The following RHPN1 variants were observed in gnomAD, a reference collection of about 807,000 sequenced individuals.
The protein encoded by RHPN1 is rhophilin Rho GTPase binding protein 1.
RHPN1 carries 77 observed loss-of-function variants against 74.7 expected under a neutral mutation model. That is an observed-to-expected ratio of 1.03 (90% confidence interval 0.86 to 1.25). The LOEUF (loss-of-function observed/expected upper bound fraction) is 1.25, where lower values mean the gene tolerates loss of function less well. Ranked by LOEUF, RHPN1 falls within the 50% of genes most tolerant of loss-of-function variation. The pLI, the probability that RHPN1 is intolerant of heterozygous loss-of-function variation, is 0.00. For missense variants in RHPN1, 987 were observed against 932.2 expected, an observed-to-expected ratio of 1.06 and a Z score of -0.77; for synonymous variants, 444 against 414.5, an observed-to-expected ratio of 1.07 and a Z score of -0.87.
At position 143,383,622 on chromosome 8, in the gene RHPN1, G is replaced by A. The variant is rs1284503468; in HGVS notation, c.*971G>A. ...GACTTGGGCACCAAGAGGAGAGGGTGGGAAGGGCTGCAGAGTCAGGGCTGC... is the reference window on the plus strand; with the variant it reads ...GACTTGGGCACCAAGAGGAGAGGGTAGGAAGGGCTGCAGAGTCAGGGCTGC... On this transcript the variant is annotated 3_prime_UTR_variant, in exon 15 of 15. Transcript: ENST00000289013. 1.3e-5 allele frequency: 2 copies of A among 152,522 alleles called. No individual in the cohort carries two copies. The highest frequency in any genetic ancestry group is 4.8e-5 in the African/African-American group (2 of 41,472). 9.4% of individuals were successfully genotyped at this position (152,522 alleles called of 1,614,324 possible).
chr8:143,374,277 C>T (rs1049335435), intron 1 of RHPN1: 9 of 985,332 alleles, frequency 9.1e-6, no homozygotes, highest in East Asian at 1.1e-4. Flanking sequence ...CCCATGAATC[C>T]GCAGCTTCAT....
chr8:143,365,136 C>T (rs1483582736), upstream of RHPN1, among the ~76,000 whole-genome samples: 1 of 152,158 alleles, frequency 6.6e-6, no homozygotes, highest in Non-Finnish European at 1.5e-5. Context: ...CAAAGCCCAC[C>T]TCTTCCACTC....
chr8:143,374,449 G>A (rs1411693041), intron 1 of RHPN1, among the ~76,000 whole-genome samples: 3 of 152,264 alleles, frequency 2.0e-5, no homozygotes, highest in East Asian at 3.8e-4. Flanking sequence ...GGTTGGCCAC[G>A]CCTGACTCAG....
chr8:143,377,903 C>G (rs546682464), intron 4 of RHPN1, among the ~76,000 whole-genome samples: 28 of 152,342 alleles, frequency 1.8e-4, no homozygotes, highest in African/African-American at 6.0e-4. Flanking sequence ...TGACTGTGTT[C>G]CGTGTCCGAG....
chr8:143,376,905 CGTGT>C (rs368351900), intron 3 of RHPN1, among the ~76,000 whole-genome samples: 5 of 110,828 alleles, frequency 4.5e-5, no homozygotes, highest in South Asian at 6.1e-4. Context: ...TCTGTGTGCG[CGTGT>C]GTCTGTGTGT....
chr8:143,380,494 T>C (rs1410120134), intron 10 of RHPN1, 95 bp from the exon 11 acceptor site: 19 of 1,191,208 alleles, frequency 1.6e-5, no homozygotes, highest in Non-Finnish European at 1.9e-5. Flanking sequence ...GTGGCTGTGA[T>C]GAGCCCCACA....
Position 143,375,659 on chromosome 8 carries a change from A to G in RHPN1, c.167A>G (p.Asn56Ser). ...CTGCAGATGCGGACGGGCGCTGAGA[A>G]CCTCTACAGGTCAGTGCTTGAGACT... Reference protein sequence around the residue: ...KELQMRTGAENLYRATSNNRV... With the variant: ...KELQMRTGAESLYRATSNNRV... Residue 56 changes from asparagine (N) to serine (S), a missense_variant, in exon 2 of 15, where the codon AAC (asparagine) becomes AGC (serine). Coordinates refer to ENST00000289013, the MANE Select transcript of RHPN1 (RefSeq NM_052924.3). 1 of 1,606,964 alleles carries G rather than the reference A, an allele frequency of 6.2e-7. No homozygotes were observed. Among genetic ancestry groups the G allele is most frequent in the Non-Finnish European group, 8.5e-7 (1 of 1,177,324 alleles).
At chr8:143,365,869 T>C (rs908312969), upstream of RHPN1, among the ~76,000 whole-genome samples, 3 of 151,710 alleles carry the variant, frequency 2.0e-5, no homozygotes, top group African/African-American at 7.3e-5. Flanking sequence ...TGGTGGCGCA[T>C]GCAAGCGGTC....
chr8:143,369,508 A>G (rs1225121074), intron 1 of RHPN1, among the ~76,000 whole-genome samples: 1 of 152,172 alleles, frequency 6.6e-6, no homozygotes, highest in Non-Finnish European at 1.5e-5. Context: ...GGAAACCGAG[A>G]GAGGTCTTCC....
rs1183027004 is a variant in RHPN1 at position 143,379,010 on chromosome 8, G to A, written c.683G>A (p.Gly228Glu). The change falls in exon 7 of 15, where the codon GGG (glycine) becomes GAG (glutamate). Residue 228 changes from glycine (G) to glutamate (E), a missense_variant. By Grantham distance (98) the Gly-to-Glu change is moderately conservative (BLOSUM62 -2). Coordinates refer to ENST00000289013, the MANE Select transcript of RHPN1 (RefSeq NM_052924.3). ...FNIGALHTQI[G>E]ARQDRSCTEG... The stretch of plus-strand genomic sequence containing the variant: ...ATCGGTGCCCTCCACACGCAGATTG[G>A]GGCGCGCCAGGACCGCTCCTGCACC... The A allele has an allele frequency of 6.5e-7, 1 of 1,550,102 alleles. No homozygotes were observed. The highest frequency in any genetic ancestry group is 8.7e-7 in the Non-Finnish European group (1 of 1,147,162).
chr8:143,378,027 C>T (rs930603660), intron 4 of RHPN1, among the ~76,000 whole-genome samples: 2 of 152,206 alleles, frequency 1.3e-5, no homozygotes, highest in Non-Finnish European at 2.9e-5. Flanking sequence ...GGGGAAACCC[C>T]AGGGCCACAG....
At chr8:143,366,117 G>A (rs1290637319), upstream of RHPN1, among the ~76,000 whole-genome samples, 1 of 146,584 alleles carries the variant, frequency 6.8e-6, no homozygotes, top group Admixed American at 7.1e-5. Context: ...TGGGCAACAG[G>A]GCGAAACCCT....
chr8:143,375,578 A>G lies in RHPN1; in HGVS notation c.86A>G (p.Gln29Arg). The G allele has an allele frequency of 6.2e-7, 1 of 1,603,138 alleles. No individual in the cohort carries two copies. The highest frequency in any genetic ancestry group is 8.5e-7 in the Non-Finnish European group (1 of 1,176,358). Reference sequence around the variant, plus strand: ...GGCTGTGACTCCCTGACGCAGATCCAGTGCGGCCAGCTGCAGAGCCGCAGG... The same window carrying G: ...GGCTGTGACTCCCTGACGCAGATCCGGTGCGGCCAGCTGCAGAGCCGCAGG... ...LQGCDSLTQIQCGQLQSRRAQ... is the reference protein window; with the variant it reads ...LQGCDSLTQIRCGQLQSRRAQ... The change falls in exon 2 of 15, where the codon CAG (glutamine) becomes CGG (arginine). Residue 29 changes from glutamine to arginine, a missense_variant. Transcript: ENST00000289013.
At chr8:143,372,063 C>T (rs1817859908) in intron 1 of RHPN1, among the ~76,000 whole-genome samples, 1 of 152,210 alleles carries the variant, frequency 6.6e-6, no homozygotes, top group Non-Finnish European at 1.5e-5. Context: ...ACCAGGCCCA[C>T]AGCAGGTGCC....
At position 143,378,662 on chromosome 8, in the gene RHPN1, A is replaced by C. The variant is rs560494276; in HGVS notation, c.460-34A>C. The C allele has an allele frequency of 3.2e-6, 5 of 1,585,068 alleles. No homozygotes were observed. The South Asian group carries it at 5.7e-5, about 18-fold the overall frequency. Reference sequence around the variant, plus strand: ...GCAGTGTGTGTGAGTGGGGTGGGCCAGGGCGGTGGGGCCCAGTGGCTCCTG... The same window carrying C: ...GCAGTGTGTGTGAGTGGGGTGGGCCCGGGCGGTGGGGCCCAGTGGCTCCTG... On this transcript the variant is annotated intron_variant, in intron 5 of 14. Transcript: ENST00000289013.
chr8:143,370,056 C>A (rs554377349), intron 1 of RHPN1, among the ~76,000 whole-genome samples: 44 of 152,290 alleles, frequency 2.9e-4, no homozygotes, highest in African/African-American at 1.0e-3. Context: ...CCTGTGCCTG[C>A]CCCCTATGAA....
rs1457619856 is a variant in RHPN1 at position 143,379,914 on chromosome 8, T to G, written c.1031T>G (p.Val344Gly). ...GTGCCTGTCTCCTGGACTGCCCTGG[T>G]GCATGTCAAGGCCGAGTACTTCCGC... ...DYVPVSWTALVHVKAEYFRSL... is the reference protein window; with the variant it reads ...DYVPVSWTALGHVKAEYFRSL... The change falls in exon 9 of 15, where the codon GTG becomes GGG. Residue 344 changes from valine to glycine, a missense_variant. By Grantham distance (109) the Val-to-Gly change is moderately radical. Coordinates refer to ENST00000289013, the MANE Select transcript of RHPN1 (RefSeq NM_052924.3). 1 of 1,603,164 alleles carries G rather than the reference T, an allele frequency of 6.2e-7. No individual in the cohort carries two copies. Among genetic ancestry groups the G allele is most frequent in the African/African-American group, 1.3e-5 (1 of 74,704 alleles).
upstream of RHPN1, among the ~76,000 whole-genome samples, chr8:143,364,602 T>C (rs921520680): frequency 9.2e-5 from 14 of 152,182 alleles, no homozygotes; most frequent in African/African-American, 3.4e-4. The surrounding 1 kb of genome is among the most constrained non-coding windows in gnomAD (Gnocchi z 4.5). Context: ...CTTTTTTTTT[T>C]TTAACAACTC....
chr8:143,378,603 C>T (rs531827401), intron 5 of RHPN1, 93 bp from the exon 6 acceptor site: 6 of 1,454,668 alleles, frequency 4.1e-6, no homozygotes, highest in Non-Finnish European at 5.5e-6. Context: ...CCTCCCCGCC[C>T]CCCATGGTGC....
Sources: gnomAD v4.1 joint callset for allele counts (sites outside exome capture counted in the v4.1 genomes callset) on GRCh38, gnomAD v4.1.1 for gene constraint, Gnocchi (gnomAD v3.1) non-coding constraint, MANE v1.5 for transcripts, NCBI Gene and HGNC (gene_info 2026-07-23, HGNC 2026-07-21) for gene names.